MTA1: variants seen among roughly 807,000 people sequenced by gnomAD.
MTA1 encodes the protein metastasis associated 1.
MTA1 carries 15 observed loss-of-function variants against 97.0 expected under a neutral mutation model. The ratio of observed to expected loss-of-function variants is 0.15; its 90% CI spans 0.10 to 0.24. The LOEUF (loss-of-function observed/expected upper bound fraction) is 0.24, where lower values mean the gene tolerates loss of function less well. Ranked by LOEUF, MTA1 falls within the 10% of genes least tolerant of loss-of-function variation. The pLI, the probability that MTA1 is intolerant of heterozygous loss-of-function variation, is 1.00. For synonymous variants in MTA1, 435 were observed against 417.5 expected (o/e 1.04, Z -0.51); for missense variants, 709 against 1,015.1 (o/e 0.70, Z 4.10).
chr14:105,420,360 A>ATCCGGGGG lies in MTA1; in HGVS notation c.28+305_28+312dup, dbSNP rs1269972230. Among the ~76,000 whole-genome samples, 3 of 151,484 alleles carry ATCCGGGGG rather than the reference A, an allele frequency of 2.0e-5. No homozygotes were observed. Among genetic ancestry groups the ATCCGGGGG allele is most frequent in the Non-Finnish European group, 4.4e-5 (3 of 67,794 alleles). ...CGGGGGGGCGCGGGGCCTGCGGGAC[A>ATCCGGGGG]TCCGGGGGTCCGGGGCCGGGAGCCC... is the stretch of plus-strand genomic sequence containing the variant. On this transcript the variant is annotated intron_variant, in intron 1 of 20. Transcript: ENST00000331320. The surrounding 1 kb of genome is among the most constrained non-coding windows in gnomAD (Gnocchi z 5.3).
intron 7 of MTA1, 93 bp downstream of exon 7, chr14:105,454,403 T>C (rs1376793347): frequency 2.9e-5 from 26 of 896,312 alleles, no homozygotes; most frequent in South Asian, 2.8e-4. Flanking sequence ...CATGGCCGTG[T>C]CAGTGATTCA....
At chr14:105,439,540 C>A (rs1160211207) in intron 2 of MTA1, among the ~76,000 whole-genome samples, 1 of 152,172 alleles carries the variant, frequency 6.6e-6, no homozygotes, top group Non-Finnish European at 1.5e-5. Flanking sequence ...ACCCTGGGAG[C>A]CTTCTCGCTG....
chr14:105,441,597 A>T (rs1445226292), intron 2 of MTA1, among the ~76,000 whole-genome samples: 1 of 152,226 alleles, frequency 6.6e-6, no homozygotes. Context: ...GATCGAGACC[A>T]TCCTGGCTAA....
At chr14:105,436,563 A>G (rs1003726972) in intron 1 of MTA1, among the ~76,000 whole-genome samples, 111 of 152,204 alleles carry the variant, frequency 7.3e-4, no homozygotes, top group Middle Eastern at 3.4e-3. Flanking sequence ...AGGTGGCCCC[A>G]CTGCACGCAG....
intron 1 of MTA1, among the ~76,000 whole-genome samples, chr14:105,421,882 C>T (rs1341966532): frequency 6.6e-6 from 1 of 152,246 alleles, no homozygotes; most frequent in African/African-American, 2.4e-5. Flanking sequence ...AGGCCCGTCC[C>T]AGGGCCTCAC....
In MTA1 at chr14:105,460,455, C is replaced by T; in HGVS notation, c.751C>T (p.Leu251=). The T allele has an allele frequency of 2.5e-6, 4 of 1,608,858 alleles. No homozygotes were observed. The highest frequency in any genetic ancestry group is 3.4e-6 in the Non-Finnish European group (4 of 1,178,198). The part of the protein sequence containing the change: ...SAAAASRDIT[L]FHAMDTLHKN... The stretch of plus-strand genomic sequence containing the variant: ...CGCAGCTGCCTCCCGAGACATCACC[C>T]TGGTAAGTGGGCCCAGGGCGGGACA... Residue 251 remains leucine, a splice_region_variant and synonymous_variant, in exon 9 of 21, where the codon CTG becomes TTG. Transcript: ENST00000331320.
intron 2 of MTA1, among the ~76,000 whole-genome samples, chr14:105,444,620 GTC>G (rs1158832555): frequency 1.3e-5 from 2 of 151,950 alleles, no homozygotes; most frequent in Non-Finnish European, 2.9e-5. Context: ...GCAAAACCCT[GTC>G]TCTACTGAAA....
intron 1 of MTA1, among the ~76,000 whole-genome samples, chr14:105,437,828 G>C (rs2141473249): frequency 6.6e-6 from 1 of 152,342 alleles, no homozygotes; most frequent in South Asian, 2.1e-4. Flanking sequence ...AGCCCCTGCG[G>C]TGGCCCCAGG....
At position 105,419,870 on chromosome 14, in the gene MTA1, G is replaced by A; in HGVS notation, c.-166G>A. On this transcript the variant is annotated 5_prime_UTR_variant, in exon 1 of 21. Coordinates refer to ENST00000331320, the MANE Select transcript of MTA1 (RefSeq NM_004689.4). ...CGCCGCGGCCCTCCCGTCCCTGCGC[G>A]GCCTCGGCGGCCTCGGCGGCGGCGG... 1 of 167,856 alleles carries A rather than the reference G, an allele frequency of 6.0e-6. No individual in the cohort carries two copies. The highest frequency in any genetic ancestry group is 1.2e-5 in the Non-Finnish European group (1 of 86,114). 10.4% of individuals were successfully genotyped at this position (167,856 alleles called of 1,614,324 possible). A position where few individuals can be genotyped will look rare whatever the true frequency, so the allele number is the denominator to read the frequency against.
chr14:105,466,593 C>G lies in MTA1; in HGVS notation c.1777+15C>G, dbSNP rs372660294. On this transcript the variant is annotated intron_variant, in intron 17 of 20. Coordinates refer to ENST00000331320, the MANE Select transcript of MTA1 (RefSeq NM_004689.4). ...CGGGGTGGACGGTGAGTGGCCCCCC[C>G]GCCCGGTGAGTGTGGCCCTCCCCGC... is the stretch of plus-strand genomic sequence containing the variant. 4 of 1,566,018 alleles carry G rather than the reference C, an allele frequency of 2.6e-6. No individual in the cohort carries two copies. Among genetic ancestry groups the G allele is most frequent in the East Asian group, 2.4e-5 (1 of 42,436 alleles).
intron 7 of MTA1, among the ~76,000 whole-genome samples, chr14:105,455,586 G>A (rs587756032): frequency 2.0e-5 from 3 of 152,338 alleles, no homozygotes; most frequent in South Asian, 2.1e-4. Context: ...TTGCTGTGTC[G>A]CCCAGGCTGG....
At position 105,450,309 on chromosome 14, in the gene MTA1, C is replaced by T. The variant is rs1555428304; in HGVS notation, c.417C>T (p.Ser139=). 6.2e-7 allele frequency: 1 copy of T among 1,604,694 alleles called. No individual in the cohort carries two copies. The highest frequency in any genetic ancestry group is 8.5e-7 in the Non-Finnish European group (1 of 1,173,172). Residue 139 remains serine, a synonymous_variant, in exon 6 of 21, where the codon TCC becomes TCT. Transcript: ENST00000331320. Reference sequence around the variant, plus strand: ...TCAACGAGACCGAGTCGCTCAAGTCCTACCTGGAGCGGGAGGTGAGGCCCA... The same window carrying T: ...TCAACGAGACCGAGTCGCTCAAGTCTTACCTGGAGCGGGAGGTGAGGCCCA... ...TLLNETESLK[S]YLEREDFFFY...
At chr14:105,421,533 C>T (rs2081836034) in intron 1 of MTA1, among the ~76,000 whole-genome samples, 1 of 152,198 alleles carries the variant, frequency 6.6e-6, no homozygotes, top group Non-Finnish European at 1.5e-5. Flanking sequence ...GTGGTGGCAG[C>T]TTTGGGCTCT....
intron 1 of MTA1, among the ~76,000 whole-genome samples, chr14:105,437,307 G>T (rs1398978171): frequency 6.6e-6 from 1 of 151,424 alleles, no homozygotes; most frequent in Non-Finnish European, 1.5e-5. Flanking sequence ...CCTCATGGGC[G>T]TGTGCCTGCA....
chr14:105,427,297 C>G (rs1005359872), intron 1 of MTA1, among the ~76,000 whole-genome samples: 2 of 152,240 alleles, frequency 1.3e-5, no homozygotes, highest in Admixed American at 6.5e-5. Flanking sequence ...GCCACTGCTC[C>G]CATGTTGGAA....
At chr14:105,444,176 A>C (rs1181239864) in intron 2 of MTA1, among the ~76,000 whole-genome samples, 1 of 152,026 alleles carries the variant, frequency 6.6e-6, no homozygotes, top group Non-Finnish European at 1.5e-5. Flanking sequence ...GATCGAGGCC[A>C]TCCTGGCTAA....
intron 1 of MTA1, among the ~76,000 whole-genome samples, chr14:105,429,861 A>G (rs2082129050): frequency 1.4e-5 from 2 of 145,130 alleles, no homozygotes; most frequent in South Asian, 4.3e-4. Flanking sequence ...GGTTCAAGTG[A>G]TTCTCCCACC....
chr14:105,449,243 GGCCCCCGTTCTGCCCT>G, intron 3 of MTA1, 100 bp from the exon 4 acceptor site: 1 of 1,033,118 alleles, frequency 9.7e-7, no homozygotes, highest in South Asian at 1.7e-5. Flanking sequence ...GGAGGCCTGC[GGCCCCCGTTCTGCCCT>G]GCCCCCTGGC....
intron 6 of MTA1, among the ~76,000 whole-genome samples, chr14:105,451,507 T>C (rs1402464088): frequency 6.6e-6 from 1 of 152,218 alleles, no homozygotes; most frequent in Non-Finnish European, 1.5e-5. Flanking sequence ...TGGGGGTCGC[T>C]GTGAAGGCTT....
Sources: gnomAD v4.1 joint callset for allele counts (sites outside exome capture counted in the v4.1 genomes callset) on GRCh38, gnomAD v4.1.1 for gene constraint, Gnocchi (gnomAD v3.1) non-coding constraint, MANE v1.5 for transcripts, NCBI Gene and HGNC (gene_info 2026-07-23, HGNC 2026-07-21) for gene names.